Variants in VWA2 observed in about 807,000 individuals in gnomAD.
VWA2 encodes the protein von Willebrand factor A domain-containing protein 2.
VWA2 carries 73 observed loss-of-function variants against 70.4 expected under a neutral mutation model. That is an observed-to-expected ratio of 1.04 (90% CI 0.86 to 1.26). The LOEUF (loss-of-function observed/expected upper bound fraction) is 1.26, where lower values mean the gene tolerates loss of function less well. Among genes scored for constraint, VWA2 ranks in the 50% most tolerant of loss-of-function variants. The probability of loss-of-function intolerance (pLI) is 0.00; values close to 1 mark genes in which losing one functional copy is unlikely to be tolerated. For missense variants in VWA2, 1,011 were observed against 998.5 expected, an observed-to-expected ratio of 1.01 and a Z score of -0.17; for synonymous variants, 407 against 423.3, an observed-to-expected ratio of 0.96 and a Z score of 0.47.
rs1449526685 is a variant in VWA2 at position 114,293,854 on chromosome 10, G to A, written c.*2617G>A. ...TACCACTTCTTTTTCTTGTCATTTTGCATTGCCTGGGACCTCCAGAATAAT... is the reference window on the plus strand; with the variant it reads ...TACCACTTCTTTTTCTTGTCATTTTACATTGCCTGGGACCTCCAGAATAAT... On this transcript the variant is annotated 3_prime_UTR_variant, in exon 14 of 14. Coordinates refer to ENST00000392982, the MANE Select transcript of VWA2 (RefSeq NM_001272046.2). Among the ~76,000 whole-genome samples the A allele has an allele frequency of 1.3e-5, 2 of 151,938 alleles. No individual in the cohort carries two copies. Among genetic ancestry groups the A allele is most frequent in the African/African-American group, 4.8e-5 (2 of 41,342 alleles).
intron 8 of VWA2, among the ~76,000 whole-genome samples, chr10:114,281,451 A>C (rs2038110220): frequency 6.6e-6 from 1 of 152,192 alleles, no homozygotes; most frequent in African/African-American, 2.4e-5. Context: ...CAGGGGCCCT[A>C]AGTGAGCCCT....
intron 2 of VWA2, 148 bp downstream of exon 2, chr10:114,248,913 T>C: frequency 2.5e-6 from 2 of 806,328 alleles, no homozygotes; most frequent in Non-Finnish European, 4.2e-6. Context: ...CCAAGCCATG[T>C]CATCTTGTGC....
Position 114,272,838 on chromosome 10 carries a change from T to C in VWA2, c.470T>C (p.Val157Ala). Reference protein sequence around the residue: ...NASVPQILIIVTDGKSQGDVA... With the variant: ...NASVPQILIIATDGKSQGDVA... ...TCTGTGCCCCAGATCCTCATCATCG[T>C]CACTGATGGGAAGTCCCAGGGGGAT... Residue 157 changes from valine (V) to alanine (A), a missense_variant, in exon 6 of 14, where the codon GTC (valine) becomes GCC (alanine). By Grantham distance (64) the Val-to-Ala change is moderately conservative. Transcript: ENST00000392982. 2 of 1,614,052 alleles carry C rather than the reference T, an allele frequency of 1.2e-6. No individual in the cohort carries two copies. Among genetic ancestry groups the C allele is most frequent in the Non-Finnish European group, 1.7e-6 (2 of 1,179,974 alleles).
intron 2 of VWA2, among the ~76,000 whole-genome samples, chr10:114,251,999 G>T (rs1222995245): frequency 2.6e-5 from 4 of 151,954 alleles, no homozygotes; most frequent in African/African-American, 9.7e-5. Context: ...TAGAGATGGG[G>T]TTTCACCCTG....
intron 6 of VWA2, among the ~76,000 whole-genome samples, chr10:114,274,665 T>C (rs2037786580): frequency 6.6e-6 from 1 of 152,052 alleles, no homozygotes; most frequent in Non-Finnish European, 1.5e-5. Flanking sequence ...GCTACTTTTT[T>C]TTTTTTTTAA....
intron 6 of VWA2, among the ~76,000 whole-genome samples, chr10:114,274,641 C>T (rs946215291): frequency 2.0e-5 from 3 of 151,514 alleles, no homozygotes; most frequent in Non-Finnish European, 2.9e-5. Flanking sequence ...CACCTGTGCA[C>T]GCCACCACAC....
chr10:114,271,322 A>G (rs1240810661), intron 5 of VWA2, among the ~76,000 whole-genome samples: 1 of 152,226 alleles, frequency 6.6e-6, no homozygotes, highest in Non-Finnish European at 1.5e-5. Context: ...GACACTTTTT[A>G]ACTTTATGGA....
intron 5 of VWA2, among the ~76,000 whole-genome samples, chr10:114,265,761 C>G (rs569318020): frequency 1.7e-4 from 26 of 152,320 alleles, no homozygotes; most frequent in African/African-American, 6.0e-4. Context: ...TCTTATGTGT[C>G]TGAACAAGGT....
chr10:114,283,216 A>C lies in VWA2; in HGVS notation c.889+645A>C, dbSNP rs1022842243. Among the ~76,000 whole-genome samples, 4 of 152,122 alleles carry C rather than the reference A, an allele frequency of 2.6e-5. No individual in the cohort carries two copies. The South Asian group carries it at 8.3e-4, about 32-fold the overall frequency. On this transcript the variant is annotated intron_variant, in intron 9 of 13. Coordinates refer to ENST00000392982, the MANE Select transcript of VWA2 (RefSeq NM_001272046.2). ...GGTGGATTTGTTACTCCCGATGAGTAGCCTGTCTCCCGGAAGCAATGCCGG... is the reference window on the plus strand; with the variant it reads ...GGTGGATTTGTTACTCCCGATGAGTCGCCTGTCTCCCGGAAGCAATGCCGG...
In VWA2 at chr10:114,286,440, A is replaced by C; in HGVS notation, c.1499A>C (p.Tyr500Ser). 1 of 1,612,872 alleles carries C rather than the reference A, an allele frequency of 6.2e-7. No individual in the cohort carries two copies. Among genetic ancestry groups the C allele is most frequent in the Non-Finnish European group, 8.5e-7 (1 of 1,179,474 alleles). Reference sequence around the variant, plus strand: ...GGCAGCCCAAAGCATGTGATGGTCTACTCGGATCCTCAGGATCTGTTCAAC... The same window carrying C: ...GGCAGCCCAAAGCATGTGATGGTCTCCTCGGATCCTCAGGATCTGTTCAAC... ...ITGSPKHVMV[Y>S]SDPQDLFNQI... is the part of the protein sequence containing the mutation. The change falls in exon 11 of 14, where the codon TAC becomes TCC. Residue 500 changes from tyrosine to serine, a missense_variant. Tyr to Ser is a moderately radical substitution (Grantham distance 144). Coordinates refer to ENST00000392982, the MANE Select transcript of VWA2 (RefSeq NM_001272046.2).
At position 114,294,451 on chromosome 10, in the gene VWA2, ATT is replaced by A. The variant is rs1289205696; in HGVS notation, c.*3217_*3218del. Among the ~76,000 whole-genome samples the A allele has an allele frequency of 1.3e-5, 2 of 152,020 alleles. No individual in the cohort carries two copies. The highest frequency in any genetic ancestry group is 2.9e-5 in the Non-Finnish European group (2 of 67,988). On this transcript the variant is annotated 3_prime_UTR_variant, in exon 14 of 14. Coordinates refer to ENST00000392982, the MANE Select transcript of VWA2 (RefSeq NM_001272046.2). The stretch of plus-strand genomic sequence containing the variant: ...TGTCTCTTTAATGAACCCGATTTTG[ATT>A]TTGTCATTTTTAAAATAAACACATT...
chr10:114,271,561 A>T (rs2037709122), intron 5 of VWA2, among the ~76,000 whole-genome samples: 1 of 151,836 alleles, frequency 6.6e-6, no homozygotes, highest in African/African-American at 2.4e-5. Context: ...CAACCAGGAG[A>T]GATGCCTGGG....
intron 2 of VWA2, among the ~76,000 whole-genome samples, chr10:114,249,619 TGAG>T (rs200095030): frequency 0.012 from 1,805 of 152,302 alleles, 20 homozygotes; most frequent in Middle Eastern, 0.031. Flanking sequence ...ATTAGTTTGC[TGAG>T]GAGAATGGCT....
At chr10:114,271,048 C>A (rs937024036) in intron 5 of VWA2, among the ~76,000 whole-genome samples, 6 of 152,124 alleles carry the variant, frequency 3.9e-5, no homozygotes, top group African/African-American at 1.4e-4. Flanking sequence ...TGAATCTGCT[C>A]CTCCGAATTC....
chr10:114,272,139 G>A (rs2037723614), intron 5 of VWA2, among the ~76,000 whole-genome samples: 1 of 152,194 alleles, frequency 6.6e-6, no homozygotes, highest in Non-Finnish European at 1.5e-5. Context: ...TCAAGCCACA[G>A]CAAATAGAGG....
intron 5 of VWA2, among the ~76,000 whole-genome samples, chr10:114,266,612 A>G (rs2037572652): frequency 6.6e-6 from 1 of 152,154 alleles, no homozygotes; most frequent in Non-Finnish European, 1.5e-5. Context: ...AAACCTTCCA[A>G]CATTGCACCC....
At chr10:114,251,189 C>T (rs910524834) in intron 2 of VWA2, among the ~76,000 whole-genome samples, 7 of 152,246 alleles carry the variant, frequency 4.6e-5, no homozygotes, top group South Asian at 2.1e-4. Context: ...ACTGAAGTTC[C>T]GGAGCCCAGG....
chr10:114,288,387 G>A (rs2039168459), intron 11 of VWA2, among the ~76,000 whole-genome samples: 1 of 152,236 alleles, frequency 6.6e-6, no homozygotes, highest in South Asian at 2.1e-4. Flanking sequence ...GGCCCATTTT[G>A]TCCATACAGC....
chr10:114,282,691 G>A, intron 9 of VWA2, 120 bp downstream of exon 9: 1 of 812,160 alleles, frequency 1.2e-6, no homozygotes, highest in South Asian at 1.4e-5. Context: ...CAGGGCAGAG[G>A]GATGGGGCAC....
Sources: gnomAD v4.1 joint callset for allele counts (sites outside exome capture counted in the v4.1 genomes callset) on GRCh38, gnomAD v4.1.1 for gene constraint, MANE v1.5 for transcripts, NCBI Gene and HGNC (gene_info 2026-07-23, HGNC 2026-07-21) for gene names.